The following SAMHD1 variants were observed in gnomAD, a reference collection of about 807,000 sequenced individuals.
SAMHD1 encodes deoxynucleoside triphosphate triphosphohydrolase SAMHD1.
Under a neutral mutation model 79.6 loss-of-function variants are expected in SAMHD1, and 54 were observed. That is an observed-to-expected ratio of 0.68 (90% CI 0.55 to 0.85). SAMHD1 has a LOEUF of 0.85. Ranked by LOEUF, SAMHD1 falls within the 40% of genes least tolerant of loss-of-function variation. SAMHD1 has a pLI of 0.00. For missense variants in SAMHD1, 663 were observed against 782.7 expected (o/e 0.85, Z 1.82); for synonymous variants, 260 against 264.1 (o/e 0.98, Z 0.15).
In SAMHD1 at chr20:36,892,395, T is replaced by C. The variant is rs1990098092; in HGVS notation, c.*537A>G. On this transcript the variant is annotated 3_prime_UTR_variant, in exon 16 of 16. Transcript: ENST00000646673. ...TTCACGGGGGCAGGATTTGATGTTT[T>C]GTTTTTAGCCATGTTTGTCAATGAC... 5.2e-6 allele frequency: 1 copy of C among 192,474 alleles called. No homozygotes were observed. Among genetic ancestry groups the C allele is most frequent in the Non-Finnish European group, 1.1e-5 (1 of 93,356 alleles). The allele number at this position is 192,474 out of a possible 1,614,324, so 11.9% of individuals were successfully genotyped here.
intron 9 of SAMHD1, among the ~76,000 whole-genome samples, chr20:36,916,099 T>C (rs976013343): frequency 2.1e-4 from 32 of 151,650 alleles, no homozygotes; most frequent in Admixed American, 2.1e-3. Flanking sequence ...AGGCGGAGCT[T>C]GCAGTGAGCC....
At chr20:36,947,077 G>C in intron 1 of SAMHD1, 1 of 346,548 alleles carries the variant, frequency 2.9e-6, no homozygotes, top group South Asian at 2.9e-5. Context: ...AAAAAGGAAA[G>C]TGAAACCCGA....
chr20:36,921,412 AC>A (rs1180384806), intron 6 of SAMHD1, among the ~76,000 whole-genome samples: 2 of 151,040 alleles, frequency 1.3e-5, no homozygotes, highest in Non-Finnish European at 2.9e-5. Flanking sequence ...AAAAAAAAAA[AC>A]GAATTGAATC....
At chr20:36,937,857 T>G (rs1283885755) in intron 3 of SAMHD1, among the ~76,000 whole-genome samples, 9 of 105,380 alleles carry the variant, frequency 8.5e-5, no homozygotes, top group South Asian at 2.7e-4. Context: ...ACAATGTTGG[T>G]TTGTTTTTTT....
chr20:36,934,978 A>G, intron 4 of SAMHD1, 51 bp downstream of exon 4: 1 of 1,571,166 alleles, frequency 6.4e-7, no homozygotes, highest in African/African-American at 1.3e-5. Context: ...ATTTCATGAG[A>G]CAGAGAAAAT....
At chr20:36,906,518 G>A (rs1466809575) in intron 11 of SAMHD1, among the ~76,000 whole-genome samples, 1 of 152,192 alleles carries the variant, frequency 6.6e-6, no homozygotes, top group Non-Finnish European at 1.5e-5. Context: ...AAATTGTCCA[G>A]TGTTTGACAA....
In SAMHD1 at chr20:36,901,692, C is replaced by T. The variant is rs150376731; in HGVS notation, c.1503+2465G>A. ...TTGAGGTTATAATGAGCTGTGATTA[C>T]ATCACTGCACTCCAGCCTGGGCAAC... On this transcript the variant is annotated intron_variant, in intron 13 of 15. Transcript: ENST00000646673. Among the ~76,000 whole-genome samples, 664 of 151,756 alleles carry T rather than the reference C, an allele frequency of 4.4e-3. 4 individuals are homozygous for T. The highest frequency in any genetic ancestry group is 0.011 in the Admixed American group (168 of 15,238).
At chr20:36,925,598 C>T (rs1404714899) in intron 6 of SAMHD1, among the ~76,000 whole-genome samples, 1 of 152,212 alleles carries the variant, frequency 6.6e-6, no homozygotes, top group Non-Finnish European at 1.5e-5. Context: ...ATTCACAATA[C>T]ATATACCTAA....
At position 36,951,543 on chromosome 20, in the gene SAMHD1, G is replaced by A. The variant is rs2063734567; in HGVS notation, c.101C>T (p.Pro34Leu). Residue 34 changes from proline (P) to leucine (L), a missense_variant, in exon 1 of 16, where the codon CCG (proline) becomes CTG (leucine). Transcript: ENST00000646673. ...GTAGTCGGGATGGAGTTCCAGGCCC[G>A]GGGACCAGTCTGCCTCTGCGGAAGG... ...NTPSAEADWSPGLELHPDYKT... is the reference protein window; with the variant it reads ...NTPSAEADWSLGLELHPDYKT... 6.2e-7 allele frequency: 1 copy of A among 1,614,184 alleles called. No homozygotes were observed. The highest frequency in any genetic ancestry group is 8.5e-7 in the Non-Finnish European group (1 of 1,180,006).
intron 4 of SAMHD1, among the ~76,000 whole-genome samples, chr20:36,933,370 T>G (rs1169273421): frequency 6.6e-6 from 1 of 152,194 alleles, no homozygotes; most frequent in African/African-American, 2.4e-5. Context: ...ACGCATTTCC[T>G]GACAGGTAAG....
chr20:36,898,589 A>G, intron 13 of SAMHD1, 45 bp from the exon 14 acceptor site: 1 of 1,442,624 alleles, frequency 6.9e-7, no homozygotes, highest in East Asian at 2.3e-5. Flanking sequence ...AAGCAGGAGA[A>G]CTGAACTCAG....
intron 1 of SAMHD1, among the ~76,000 whole-genome samples, chr20:36,949,462 A>AG (rs1192328020): frequency 3.3e-5 from 5 of 150,104 alleles, no homozygotes; most frequent in Non-Finnish European, 7.4e-5. Flanking sequence ...AATTAAAAAA[A>AG]AAAAAAAAAT....
At chr20:36,920,826 A>T (rs2063499737) in intron 6 of SAMHD1, among the ~76,000 whole-genome samples, 1 of 151,696 alleles carries the variant, frequency 6.6e-6, no homozygotes, top group African/African-American at 2.4e-5. Context: ...TCACATTTGT[A>T]ATCCTAGCAT....
chr20:36,893,617 T>C, intron 15 of SAMHD1: 1 of 353,182 alleles, frequency 2.8e-6, no homozygotes, highest in Non-Finnish European at 5.0e-6. Context: ...GGCGATACAA[T>C]GACGTGAAAC....
intron 9 of SAMHD1, 103 bp from the exon 10 acceptor site, chr20:36,912,655 G>A: frequency 3.8e-6 from 3 of 799,464 alleles, no homozygotes; most frequent in Non-Finnish European, 6.3e-6. Context: ...TGGCAGACAA[G>A]AGGGCTATGC....
chr20:36,898,172 C>T (rs2148355765), intron 14 of SAMHD1, among the ~76,000 whole-genome samples: 1 of 152,262 alleles, frequency 6.6e-6, no homozygotes, highest in Admixed American at 6.5e-5. Flanking sequence ...GTTGGAACTA[C>T]AGGCATGAGC....
At chr20:36,915,531 G>C (rs1203465083) in intron 9 of SAMHD1, among the ~76,000 whole-genome samples, 1 of 151,906 alleles carries the variant, frequency 6.6e-6, no homozygotes, top group African/African-American at 2.4e-5. Context: ...GAGGTGAGGA[G>C]TTCGAGACCA....
At position 36,911,308 on chromosome 20, in the gene SAMHD1, C is replaced by A; in HGVS notation, c.1180G>T (p.Asp394Tyr). ...TMITDAFLKA[D>Y]DYIEITGAGG... The stretch of plus-strand genomic sequence containing the variant: ...GCACCTGTAATCTCTATGTAGTCAT[C>A]TGCTTTGAGGAAAGCATCTGTAATC... Residue 394 changes from aspartate to tyrosine, a missense_variant, in exon 11 of 16, where the codon GAT becomes TAT. Physicochemically the swap from Asp to Tyr is radical, Grantham distance 160 (BLOSUM62 -3). Transcript: ENST00000646673. 6.2e-7 allele frequency: 1 copy of A among 1,611,990 alleles called. No homozygotes were observed. The highest frequency in any genetic ancestry group is 8.5e-7 in the Non-Finnish European group (1 of 1,179,454).
chr20:36,928,990 G>A (rs893705841), intron 5 of SAMHD1, among the ~76,000 whole-genome samples: 1 of 151,606 alleles, frequency 6.6e-6, no homozygotes, highest in Non-Finnish European at 1.5e-5. Flanking sequence ...CTGGGAGGTG[G>A]AGGTTGTGGT....
Sources: allele counts gnomAD v4.1 joint callset (sites outside exome capture counted in the v4.1 genomes callset), GRCh38; gene constraint gnomAD v4.1.1; transcripts MANE v1.5; gene names NCBI Gene and HGNC (gene_info 2026-07-23, HGNC 2026-07-21).